Variants in MRTFB observed in about 807,000 individuals in gnomAD.
The protein encoded by MRTFB is myocardin-related transcription factor B.
Under a neutral mutation model 104.2 loss-of-function variants are expected in MRTFB, and 29 were observed. That is an observed-to-expected ratio of 0.28 (90% CI 0.21 to 0.38). MRTFB has a LOEUF of 0.38. Among genes scored for constraint, MRTFB ranks in the 10% least tolerant of loss-of-function variants. The pLI is 1.00. For synonymous variants in MRTFB, 535 were observed against 519.5 expected (o/e 1.03, Z -0.41); for missense variants, 1,270 against 1,341.6 (o/e 0.95, Z 0.83).
the MRTFB span, among the ~76,000 whole-genome samples, chr16:14,053,240 ATG>A: frequency 6.6e-6 from 1 of 151,516 alleles, no homozygotes; most frequent in African/African-American, 2.4e-5. Context: ...GTGTGTGTGT[ATG>A]TGTGTGTGTG....
intron 8 of MRTFB, among the ~76,000 whole-genome samples, chr16:14,224,135 C>G (rs1001033889): frequency 1.3e-5 from 2 of 152,154 alleles, no homozygotes; most frequent in African/African-American, 4.8e-5. Context: ...TTCAAACAAC[C>G]AGATCCCATG....
the MRTFB span, among the ~76,000 whole-genome samples, chr16:14,014,268 G>A: frequency 9.3e-4 from 142 of 152,178 alleles, 1 homozygote; most frequent in Non-Finnish European, 1.7e-3. Flanking sequence ...TCTCAGTGCC[G>A]GGCAAGGTGG....
At chr16:14,250,760 T>G (rs2043220058) in intron 13 of MRTFB, among the ~76,000 whole-genome samples, 1 of 152,140 alleles carries the variant, frequency 6.6e-6, no homozygotes, top group African/African-American at 2.4e-5. Flanking sequence ...GCAGAATCCC[T>G]GTGATAGATA....
At chr16:14,137,227 C>T (rs1239268543) in intron 2 of MRTFB, among the ~76,000 whole-genome samples, 1 of 152,080 alleles carries the variant, frequency 6.6e-6, no homozygotes, top group Non-Finnish European at 1.5e-5. Flanking sequence ...TTAGTCTATA[C>T]CCTCTCAAAA....
At chr16:14,008,358 A>T in the MRTFB span, among the ~76,000 whole-genome samples, 2 of 152,186 alleles carry the variant, frequency 1.3e-5, no homozygotes, top group Non-Finnish European at 2.9e-5. Context: ...TAGGTCTTTG[A>T]TCCATTTTGA....
At chr16:14,222,803 A>C (rs1037089913) in intron 8 of MRTFB, among the ~76,000 whole-genome samples, 1 of 152,160 alleles carries the variant, frequency 6.6e-6, no homozygotes, top group Non-Finnish European at 1.5e-5. Context: ...AAGAAACAAC[A>C]GATGCTGGTG....
the MRTFB span, among the ~76,000 whole-genome samples, chr16:14,053,943 T>A: frequency 6.6e-6 from 1 of 152,166 alleles, no homozygotes; most frequent in African/African-American, 2.4e-5. Context: ...CTTTGATATA[T>A]GGATTTCCTT....
chr16:14,009,995 C>T, the MRTFB span, among the ~76,000 whole-genome samples: 1 of 152,172 alleles, frequency 6.6e-6, no homozygotes, highest in Non-Finnish European at 1.5e-5. Context: ...AACAGAAACC[C>T]TCTTCCTTTT....
the MRTFB span, among the ~76,000 whole-genome samples, chr16:14,013,780 G>A: frequency 6.6e-6 from 1 of 152,088 alleles, no homozygotes; most frequent in East Asian, 1.9e-4. Context: ...ATTATGCCTG[G>A]GATATCAAGT....
rs2039879650 is a variant in MRTFB, at chr16:14,184,548, A to G, written c.155-25695A>G. Reference sequence around the variant, plus strand: ...TAAGCCTCCATTTTCCCATGTGTAGATCAGGAAAATAATGTTGAACTCACA... The same window carrying G: ...TAAGCCTCCATTTTCCCATGTGTAGGTCAGGAAAATAATGTTGAACTCACA... On this transcript the variant is annotated intron_variant, in intron 3 of 16. Transcript: ENST00000571589. Among the ~76,000 whole-genome samples the G allele has an allele frequency of 2.6e-5, 4 of 151,834 alleles. No homozygotes were observed. In the South Asian group the frequency reaches 8.4e-4, roughly 32 times the overall value.
chr16:14,168,900 T>C (rs1013596343), intron 3 of MRTFB, among the ~76,000 whole-genome samples: 2 of 152,228 alleles, frequency 1.3e-5, no homozygotes, highest in Admixed American at 1.3e-4. Context: ...TTTCTGTGGG[T>C]GTGTGTTGAT....
At chr16:14,089,649 G>C (rs1027021175) in intron 2 of MRTFB, among the ~76,000 whole-genome samples, 1 of 152,166 alleles carries the variant, frequency 6.6e-6, no homozygotes, top group Non-Finnish European at 1.5e-5. Flanking sequence ...ACACCTAGGA[G>C]TGGAATTGCT....
intron 13 of MRTFB, among the ~76,000 whole-genome samples, chr16:14,250,296 G>GT (rs977870047): frequency 1.2e-4 from 18 of 152,130 alleles, no homozygotes; most frequent in Non-Finnish European, 1.5e-4. Flanking sequence ...AAATACAGAG[G>GT]TTTTTTAGAA....
At chr16:14,040,515 T>C in the MRTFB span, among the ~76,000 whole-genome samples, 1 of 150,956 alleles carries the variant, frequency 6.6e-6, no homozygotes, top group Non-Finnish European at 1.5e-5. Context: ...CAGGCTGAAG[T>C]GCAGTGGCAC....
In MRTFB at chr16:14,243,863, G is replaced by GGTTTTTTTTTTTTTTTTTTTT. The variant is rs1555458546; in HGVS notation, c.1080-1651_1080-1650insTTTTTTTGTTTTTTTTTTTTT. On this transcript the variant is annotated intron_variant, in intron 10 of 16. Coordinates refer to ENST00000571589, the MANE Select transcript of MRTFB (RefSeq NM_001308142.2). Reference sequence around the variant, plus strand: ...CCAGAGATTAGTTTTGCCTGTTTTGGGTTTTTTTTTTTTTGAGACAGAGTC... The same window carrying GGTTTTTTTTTTTTTTTTTTTT: ...CCAGAGATTAGTTTTGCCTGTTTTGGGTTTTTTTTTTTTTTTTTTTTGTTTTTTTTTTTTTGAGACAGAGTC... Among the ~76,000 whole-genome samples the GGTTTTTTTTTTTTTTTTTTTT allele has an allele frequency of 2.7e-3, 322 of 118,784 alleles. 19 individuals carry two copies. The highest frequency in any genetic ancestry group is 0.016 in the African/African-American group (310 of 19,576). The allele number at this position is 118,784 out of a possible 152,430, so 77.9% of individuals were successfully genotyped here. A position where few individuals can be genotyped will look rare whatever the true frequency, so the allele number is the denominator to read the frequency against.
the MRTFB span, among the ~76,000 whole-genome samples, chr16:14,058,078 C>T: frequency 6.6e-6 from 1 of 152,172 alleles, no homozygotes; most frequent in Non-Finnish European, 1.5e-5. Flanking sequence ...CCCGTATTTT[C>T]TTAGCTGTAT....
intron 3 of MRTFB, among the ~76,000 whole-genome samples, chr16:14,190,186 A>G (rs1245717967): frequency 6.6e-6 from 1 of 152,198 alleles, no homozygotes; most frequent in Non-Finnish European, 1.5e-5. Context: ...CTAGGAGAGA[A>G]CAGCAATAAA....
intron 3 of MRTFB, among the ~76,000 whole-genome samples, chr16:14,168,997 G>T (rs12325461): frequency 0.017 from 2,618 of 152,184 alleles, 73 homozygotes; most frequent in African/African-American, 0.058. Context: ...TTATGTGAAA[G>T]ATTTTTTCCA....
At chr16:14,198,294 G>T (rs1420052527) in intron 3 of MRTFB, among the ~76,000 whole-genome samples, 1 of 152,198 alleles carries the variant, frequency 6.6e-6, no homozygotes, top group Non-Finnish European at 1.5e-5. Context: ...GGACATGTGT[G>T]TACATGTATT....
Sources: allele counts gnomAD v4.1 joint callset (sites outside exome capture counted in the v4.1 genomes callset), GRCh38; gene constraint gnomAD v4.1.1; transcripts MANE v1.5; gene names NCBI Gene and HGNC (gene_info 2026-07-23, HGNC 2026-07-21).